The following LRP1B variants were observed in gnomAD, a reference collection of about 807,000 sequenced individuals.
LRP1B encodes LDL receptor related protein 1B, also known as low-density lipoprotein receptor-related protein 1B.
LRP1B carries 217 observed loss-of-function variants against 556.6 expected under a neutral mutation model. The observed-to-expected ratio is 0.39, with a 90% CI of 0.35 to 0.44. The LOEUF (loss-of-function observed/expected upper bound fraction) is 0.44. Among genes scored for constraint, LRP1B ranks in the 20% least tolerant of loss-of-function variants. The pLI is 1.00. For missense variants in LRP1B, 5,053 were observed against 5,620.8 expected (o/e 0.90, Z 3.23); for synonymous variants, 2,047 against 1,865.8 (o/e 1.10, Z -2.50).
chr2:141,899,716 A>G (rs2104931130), intron 1 of LRP1B, among the ~76,000 whole-genome samples: 1 of 152,244 alleles, frequency 6.6e-6, no homozygotes, highest in East Asian at 1.9e-4. Context: ...GAAAATCACA[A>G]GTAAATGAAA....
chr2:141,871,187 A>G (rs1048808067), intron 1 of LRP1B, among the ~76,000 whole-genome samples: 1 of 152,006 alleles, frequency 6.6e-6, no homozygotes, highest in Non-Finnish European at 1.5e-5. Flanking sequence ...TCTGAGGTTT[A>G]CTGAACATGT....
At chr2:141,646,777 C>T (rs961999335) in intron 2 of LRP1B, among the ~76,000 whole-genome samples, 4 of 152,078 alleles carry the variant, frequency 2.6e-5, no homozygotes, top group Admixed American at 2.0e-4. Context: ...GTAAGCAAGG[C>T]TTTAAAATGG....
At chr2:140,236,577 T>C (rs1680710574) in intron 89 of LRP1B, among the ~76,000 whole-genome samples, 2 of 150,954 alleles carry the variant, frequency 1.3e-5, no homozygotes, top group Admixed American at 6.6e-5. Flanking sequence ...CCTCAGCTTA[T>C]AGTAATAAAA....
chr2:140,322,748 G>A (rs773640176), intron 81 of LRP1B, among the ~76,000 whole-genome samples: 3 of 151,878 alleles, frequency 2.0e-5, no homozygotes, highest in Non-Finnish European at 4.4e-5. Flanking sequence ...ACCTTTCCTA[G>A]AGATTATTTC....
intron 68 of LRP1B, among the ~76,000 whole-genome samples, chr2:140,375,064 G>T (rs1341528263): frequency 6.6e-6 from 1 of 151,836 alleles, no homozygotes; most frequent in African/African-American, 2.4e-5. Context: ...TTCTGAATTT[G>T]ACTAATTGCA....
At chr2:141,584,452 T>C (rs1687060335) in intron 2 of LRP1B, among the ~76,000 whole-genome samples, 1 of 152,186 alleles carries the variant, frequency 6.6e-6, no homozygotes, top group South Asian at 2.1e-4. Flanking sequence ...TACTAATTTA[T>C]GCAGACGGAA....
intron 2 of LRP1B, among the ~76,000 whole-genome samples, chr2:141,636,515 A>G (rs771384707): frequency 1.3e-5 from 2 of 152,184 alleles, no homozygotes; most frequent in Non-Finnish European, 2.9e-5. Flanking sequence ...TACTTGGAAG[A>G]TAATGTGCAA....
intron 1 of LRP1B, among the ~76,000 whole-genome samples, chr2:141,888,887 G>A (rs541731539): frequency 6.6e-6 from 1 of 152,250 alleles, no homozygotes; most frequent in South Asian, 2.1e-4. Context: ...TACATGCAGA[G>A]CTATTGACGG....
intron 4 of LRP1B, among the ~76,000 whole-genome samples, chr2:141,248,212 G>T (rs374557227): frequency 1.3e-5 from 2 of 152,044 alleles, no homozygotes; most frequent in African/African-American, 2.4e-5. Flanking sequence ...AAACAAAAAG[G>T]CATCCTGTCA....
chr2:140,843,067 G>GTTTTTTTTTTTTTT (rs1232129942), intron 29 of LRP1B, among the ~76,000 whole-genome samples: 2 of 10,640 alleles, frequency 1.9e-4, no homozygotes, highest in African/African-American at 4.7e-4. Flanking sequence ...TTTTTTTTTT[G>GTTTTTTTTTTTTTT]TTTTTTTTTT....
At chr2:142,095,181 A>T (rs746433469) in intron 1 of LRP1B, among the ~76,000 whole-genome samples, 3 of 151,484 alleles carry the variant, frequency 2.0e-5, no homozygotes, top group Non-Finnish European at 3.0e-5. Context: ...TATATTTTAG[A>T]ACATATCCAC....
chr2:141,439,523 G>A (rs185729414), intron 3 of LRP1B, among the ~76,000 whole-genome samples: 5 of 151,722 alleles, frequency 3.3e-5, no homozygotes, highest in African/African-American at 1.2e-4. Flanking sequence ...TGCAGCTATT[G>A]CTCTGTATAA....
At chr2:141,497,407 T>C (rs1478850236) in intron 2 of LRP1B, among the ~76,000 whole-genome samples, 2 of 152,042 alleles carry the variant, frequency 1.3e-5, no homozygotes, top group African/African-American at 4.8e-5. Flanking sequence ...GAGATCCTAA[T>C]CTGGGTCTAC....
At chr2:140,242,456 T>C (rs1680987708) in intron 87 of LRP1B, among the ~76,000 whole-genome samples, 1 of 151,324 alleles carries the variant, frequency 6.6e-6, no homozygotes, top group South Asian at 2.1e-4. Flanking sequence ...TCAATTCTTA[T>C]TTAGCAAATA....
intron 3 of LRP1B, among the ~76,000 whole-genome samples, chr2:141,335,431 C>G (rs141247127): frequency 6.6e-6 from 1 of 152,220 alleles, no homozygotes; most frequent in African/African-American, 2.4e-5. Flanking sequence ...TTTATTATGG[C>G]AGAGAAGGCT....
chr2:142,047,228 A>G (rs993264199), intron 1 of LRP1B, among the ~76,000 whole-genome samples: 24 of 151,988 alleles, frequency 1.6e-4, no homozygotes, highest in African/African-American at 5.8e-4. Context: ...AGAGCTGCTC[A>G]TGGTACAGCC....
At chr2:140,325,080 T>A (rs1041679844) in intron 80 of LRP1B, among the ~76,000 whole-genome samples, 3 of 151,838 alleles carry the variant, frequency 2.0e-5, no homozygotes, top group Admixed American at 2.0e-4. Flanking sequence ...ACAAAAAAAT[T>A]GTGGGAAGGA....
intron 62 of LRP1B, among the ~76,000 whole-genome samples, 161 bp from the exon 63 acceptor site, chr2:140,450,822 CACA>C (rs1313266043): frequency 6.6e-5 from 10 of 152,096 alleles, no homozygotes; most frequent in Non-Finnish European, 1.5e-4. Flanking sequence ...CACAAAAAGC[CACA>C]ACGTGATCTT....
intron 2 of LRP1B, among the ~76,000 whole-genome samples, chr2:141,495,297 A>G (rs150055436): frequency 2.4e-4 from 36 of 152,112 alleles, no homozygotes; most frequent in African/African-American, 8.2e-4. Context: ...ATATATTTGC[A>G]AAGAAAGTCA....
Sources: allele counts gnomAD v4.1 joint callset (sites outside exome capture counted in the v4.1 genomes callset), GRCh38; gene constraint gnomAD v4.1.1; transcripts MANE v1.5; gene names NCBI Gene and HGNC (gene_info 2026-07-23, HGNC 2026-07-21).